The following MICAL3 variants were observed in gnomAD, a reference collection of about 807,000 sequenced individuals.
MICAL3 encodes microtubule associated monooxygenase, calponin and LIM domain containing 3, also known as [F-actin]-monooxygenase MICAL3.
In MICAL3, 62 loss-of-function variants were observed where a neutral mutation model predicts 207.4. The ratio of observed to expected loss-of-function variants is 0.30; its 90% confidence interval spans 0.24 to 0.37. The LOEUF (loss-of-function observed/expected upper bound fraction) is 0.37, where lower values mean the gene tolerates loss of function less well. Ranked by LOEUF, MICAL3 falls within the 10% of genes least tolerant of loss-of-function variation. The probability of loss-of-function intolerance (pLI) is 1.00; values close to 1 mark genes in which losing one functional copy is unlikely to be tolerated. For synonymous variants in MICAL3, 1,077 were observed against 1,069.3 expected (o/e 1.01, Z -0.14); for missense variants, 2,368 against 2,635.6 (o/e 0.90, Z 2.22).
chr22:17,925,866 T>C (rs188961603), intron 1 of MICAL3, among the ~76,000 whole-genome samples: 12 of 152,292 alleles, frequency 7.9e-5, no homozygotes, highest in African/African-American at 2.6e-4. Context: ...ACAGGCATTG[T>C]CCCTTCCTCC....
Position 17,904,751 on chromosome 22 carries a change from C to G in MICAL3, c.353G>C (p.Arg118Pro). 6.2e-7 allele frequency: 1 copy of G among 1,613,866 alleles called. No homozygotes were observed. Among genetic ancestry groups the G allele is most frequent in the Non-Finnish European group, 8.5e-7 (1 of 1,179,772 alleles). Residue 118 changes from arginine to proline, a missense_variant, in exon 3 of 32, where the codon CGA becomes CCA. Around this residue, in one of 4 missense-constraint regions of MICAL3, gnomAD observed 400 missense variants for 547.0 expected, o/e 0.73. Transcript: ENST00000441493. ...GACGTTGTTGCGGGAGAAGGCATCT[C>G]GTTTCTCAATAACAACCACCTTGGC... ...LGAKVVVIEKRDAFSRNNVLH... is the reference protein window; with the variant it reads ...LGAKVVVIEKPDAFSRNNVLH...
rs1368944209 is a variant in MICAL3 at position 17,866,608 on chromosome 22, CAGAACAGAATAGAATAGAAT to C, written c.2429-616_2429-597del. Among the ~76,000 whole-genome samples the C allele has an allele frequency of 1.8e-3, 221 of 123,198 alleles. 3 individuals carry two copies. Among genetic ancestry groups the C allele is most frequent in the East Asian group, 4.7e-3 (20 of 4,298 alleles). The allele number at this position is 123,198 out of a possible 152,430, so 80.8% of individuals were successfully genotyped here. On this transcript the variant is annotated intron_variant, in intron 17 of 31. Coordinates refer to ENST00000441493, the MANE Select transcript of MICAL3 (RefSeq NM_015241.3). ...TAGGATGGAAGGGAACAGCATAGAA[CAGAACAGAATAGAATAGAAT>C]AGAATAGAATAGAATAGAATAGAAT... is the stretch of plus-strand genomic sequence containing the variant.
chr22:17,950,981 T>A (rs1367622191), intron 1 of MICAL3, among the ~76,000 whole-genome samples: 5 of 152,122 alleles, frequency 3.3e-5, no homozygotes, highest in African/African-American at 1.2e-4. Flanking sequence ...CCCACCCTGA[T>A]CCCACTGTCA....
At chr22:18,021,363 A>G (rs1924465313) in intron 1 of MICAL3, among the ~76,000 whole-genome samples, 1 of 152,254 alleles carries the variant, frequency 6.6e-6, no homozygotes, top group Non-Finnish European at 1.5e-5. Flanking sequence ...GAAGTAGCAG[A>G]AGCCTCTGTG....
At chr22:17,977,566 T>C (rs1420130548) in intron 1 of MICAL3, among the ~76,000 whole-genome samples, 1 of 149,220 alleles carries the variant, frequency 6.7e-6, no homozygotes, top group Non-Finnish European at 1.5e-5. Flanking sequence ...CAATAACAAG[T>C]GTTGACAAGG....
At chr22:17,855,993 C>T (rs933467516) in intron 19 of MICAL3, among the ~76,000 whole-genome samples, 1 of 152,258 alleles carries the variant, frequency 6.6e-6, no homozygotes, top group Non-Finnish European at 1.5e-5. Flanking sequence ...CTGCCTAACT[C>T]CTATGTGCCT....
At chr22:17,913,818 G>A (rs1292109566) in intron 1 of MICAL3, among the ~76,000 whole-genome samples, 2 of 152,260 alleles carry the variant, frequency 1.3e-5, no homozygotes, top group Middle Eastern at 3.4e-3. Context: ...CCTCTGCCTT[G>A]CAGTTCTGTC....
At chr22:17,872,949 T>C in intron 16 of MICAL3, 1 of 826,250 alleles carries the variant, frequency 1.2e-6, no homozygotes, top group South Asian at 1.4e-5. Context: ...AAAGAAATCT[T>C]TGGGAAGTGC....
chr22:17,964,562 G>A (rs1185772020), intron 1 of MICAL3, among the ~76,000 whole-genome samples: 2 of 152,192 alleles, frequency 1.3e-5, no homozygotes, highest in East Asian at 1.9e-4. Flanking sequence ...TGGACCCTAC[G>A]TGAAGATTAA....
intron 15 of MICAL3, among the ~76,000 whole-genome samples, 166 bp downstream of exon 15, chr22:17,887,004 A>AT (rs1929963784): frequency 6.8e-6 from 1 of 147,870 alleles, no homozygotes; most frequent in African/African-American, 2.5e-5. Flanking sequence ...AAAAAAAAAA[A>AT]AAAAAAAAAA....
chr22:17,977,046 G>A (rs898450165), intron 1 of MICAL3, among the ~76,000 whole-genome samples: 3 of 151,880 alleles, frequency 2.0e-5, no homozygotes, highest in South Asian at 2.1e-4. Flanking sequence ...CTTGTGATCC[G>A]CCCACCTCCG....
chr22:17,904,166 TC>T (rs1022854409), intron 3 of MICAL3, among the ~76,000 whole-genome samples: 8 of 152,018 alleles, frequency 5.3e-5, no homozygotes, highest in African/African-American at 1.5e-4. Flanking sequence ...CAAGTGTGGC[TC>T]CCCCCAGGAC....
At chr22:17,821,912 G>A (rs1162639160) in intron 24 of MICAL3, 118 bp downstream of exon 24, 14 of 1,286,224 alleles carry the variant, frequency 1.1e-5, no homozygotes, top group African/African-American at 3.0e-5. Context: ...CCCACACCTC[G>A]GAGGCTGGTG....
intron 1 of MICAL3, among the ~76,000 whole-genome samples, chr22:18,020,612 G>GGAAAAA (rs2031399001): frequency 2.6e-5 from 1 of 38,044 alleles, no homozygotes; most frequent in Non-Finnish European, 4.3e-5. Flanking sequence ...CCTTTAAAAA[G>GGAAAAA]TAAAAAAAAA....
intron 1 of MICAL3, among the ~76,000 whole-genome samples, chr22:17,919,497 C>T (rs1319127857): frequency 2.0e-5 from 3 of 152,248 alleles, no homozygotes; most frequent in Non-Finnish European, 4.4e-5. Context: ...ACAGTGAGGA[C>T]CACTTGATGA....
At chr22:17,880,493 G>A (rs534273203) in intron 16 of MICAL3, among the ~76,000 whole-genome samples, 1 of 152,364 alleles carries the variant, frequency 6.6e-6, no homozygotes, top group African/African-American at 2.4e-5. Context: ...AATCAGTCAC[G>A]TTAATACGGT....
chr22:17,841,526 G>C lies in MICAL3; in HGVS notation c.2801+296C>G. The C allele has an allele frequency of 1.8e-6, 1 of 544,470 alleles. No individual in the cohort carries two copies. Among genetic ancestry groups the C allele is most frequent in the Non-Finnish European group, 3.3e-6 (1 of 304,790 alleles). 33.7% of individuals were successfully genotyped at this position (544,470 alleles called of 1,614,324 possible). ...CCGTCCTTCCCTCTGCTGAATCTGT[G>C]AATAACCCGGGGGCAGAGCCTGCCA... On this transcript the variant is annotated intron_variant, in intron 20 of 31. Coordinates refer to ENST00000441493, the MANE Select transcript of MICAL3 (RefSeq NM_015241.3). This position sits in a 1 kb window ranked among gnomAD's most constrained non-coding sequence, Gnocchi z 4.2.
Position 17,976,351 on chromosome 22 carries a change from A to G in MICAL3, c.-75+47930T>C, listed in dbSNP as rs184678159. Among the ~76,000 whole-genome samples the G allele has an allele frequency of 1.1e-3, 162 of 152,132 alleles. 1 individual carries two copies. The highest frequency in any genetic ancestry group is 8.9e-3 in the Admixed American group (136 of 15,258). ...GGGAGTTAAGGTTACACTGGGAAAC[A>G]GCACTGCCCGATTTTCTTGGCTTTT... is the stretch of plus-strand genomic sequence containing the variant. On this transcript the variant is annotated intron_variant, in intron 1 of 31. Transcript: ENST00000441493.
chr22:17,950,487 C>T (rs2146357519), intron 1 of MICAL3, among the ~76,000 whole-genome samples: 1 of 151,970 alleles, frequency 6.6e-6, no homozygotes, highest in South Asian at 2.1e-4. Flanking sequence ...CTACAGGTGC[C>T]CACCACCACA....
Sources: gnomAD v4.1 joint callset for allele counts (sites outside exome capture counted in the v4.1 genomes callset) on GRCh38, gnomAD v4.1.1 for gene constraint, gnomAD v4.1.1 regional missense constraint, Gnocchi (gnomAD v3.1) non-coding constraint, MANE v1.5 for transcripts, NCBI Gene and HGNC (gene_info 2026-07-23, HGNC 2026-07-21) for gene names.